The following MNAT1 variants were observed in gnomAD, a reference collection of about 807,000 sequenced individuals.
The protein encoded by MNAT1 is MNAT1 component of CDK activating kinase.
MNAT1 carries 43 observed loss-of-function variants against 42.0 expected under a neutral mutation model. That is an observed-to-expected ratio of 1.02 (90% CI 0.80 to 1.32). MNAT1 has a LOEUF of 1.32. Among genes scored for constraint, MNAT1 ranks in the 40% most tolerant of loss-of-function variants. The probability of loss-of-function intolerance (pLI) is 0.00; values close to 1 mark genes in which losing one functional copy is unlikely to be tolerated. For synonymous variants in MNAT1, 118 were observed against 120.0 expected (o/e 0.98, Z 0.11); for missense variants, 306 against 350.4 (o/e 0.87, Z 1.01).
chr14:60,928,880 G>A (rs1455911293), intron 7 of MNAT1, among the ~76,000 whole-genome samples: 1 of 151,388 alleles, frequency 6.6e-6, no homozygotes. Flanking sequence ...AGTGGCTCAT[G>A]CCTGTAATCC....
intron 7 of MNAT1, among the ~76,000 whole-genome samples, chr14:60,947,374 A>G (rs569991579): frequency 6.6e-6 from 1 of 152,230 alleles, no homozygotes; most frequent in South Asian, 2.1e-4. Context: ...GCTCTGAGAA[A>G]ACAGTTTAAA....
chr14:60,904,575 G>C (rs1347355902), intron 7 of MNAT1, among the ~76,000 whole-genome samples: 1 of 152,146 alleles, frequency 6.6e-6, no homozygotes, highest in Non-Finnish European at 1.5e-5. Flanking sequence ...CAGGGCAGCT[G>C]AATGAGGCTG....
At chr14:60,950,562 T>A (rs1056721154) in intron 7 of MNAT1, among the ~76,000 whole-genome samples, 1 of 152,186 alleles carries the variant, frequency 6.6e-6, no homozygotes, top group Non-Finnish European at 1.5e-5. Context: ...CCAACACAAA[T>A]TCGTAAACTT....
At chr14:60,932,922 T>G (rs1297626302) in intron 7 of MNAT1, among the ~76,000 whole-genome samples, 1 of 152,054 alleles carries the variant, frequency 6.6e-6, no homozygotes, top group Non-Finnish European at 1.5e-5. Context: ...TATGAATCAC[T>G]TTGTAAATAA....
chr14:60,799,681 C>G (rs753318753), intron 3 of MNAT1, among the ~76,000 whole-genome samples: 1 of 151,040 alleles, frequency 6.6e-6, no homozygotes, highest in Non-Finnish European at 1.5e-5. Flanking sequence ...AAGATTCTGA[C>G]TGAGCTATGA....
chr14:60,858,418 GGT>G (rs1566798087), intron 6 of MNAT1, among the ~76,000 whole-genome samples: 1 of 149,640 alleles, frequency 6.7e-6, no homozygotes, highest in African/African-American at 2.4e-5. Flanking sequence ...TTTTTGATGG[GGT>G]TTTTTTTTTT....
intron 7 of MNAT1, among the ~76,000 whole-genome samples, chr14:60,938,416 A>T (rs10467730): frequency 1.3e-5 from 2 of 152,046 alleles, no homozygotes; most frequent in Non-Finnish European, 2.9e-5. Context: ...TAACTAATTT[A>T]TTGAGAGTTT....
In MNAT1 at chr14:60,753,034, G is replaced by A. The variant is rs137923034; in HGVS notation, c.89+18083G>A. Among the ~76,000 whole-genome samples the A allele has an allele frequency of 1.7e-3, 252 of 152,278 alleles. No individual in the cohort carries two copies. The East Asian group carries it at 0.028, about 17-fold the overall frequency. On this transcript the variant is annotated intron_variant, in intron 1 of 7. Transcript: ENST00000261245. ...CCCACCTTGGCCTCCCAGAGTGCTG[G>A]GATTACAGGCGTGAGCCACCGCACC...
chr14:60,839,447 G>C (rs554742886), intron 6 of MNAT1, among the ~76,000 whole-genome samples: 26 of 152,264 alleles, frequency 1.7e-4, no homozygotes, highest in Non-Finnish European at 2.2e-4. Flanking sequence ...TCTCTGCCTT[G>C]CTCACCTTCC....
intron 7 of MNAT1, among the ~76,000 whole-genome samples, chr14:60,908,475 C>T (rs2035266050): frequency 6.6e-6 from 1 of 151,862 alleles, no homozygotes; most frequent in Non-Finnish European, 1.5e-5. Flanking sequence ...TCCCCCAACC[C>T]CCCGACCCCA....
At chr14:60,911,015 C>G (rs969619597) in intron 7 of MNAT1, among the ~76,000 whole-genome samples, 2 of 152,136 alleles carry the variant, frequency 1.3e-5, no homozygotes, top group Admixed American at 1.3e-4. Context: ...TGTTATTGGT[C>G]TATTCAGAGA....
Position 60,809,792 on chromosome 14 carries a change from A to G in MNAT1, c.420+1364A>G, listed in dbSNP as rs117772583. 1.1e-3 allele frequency among the ~76,000 whole-genome samples: 167 copies of G among 152,184 alleles called. No individual in the cohort carries two copies. The East Asian group carries it at 0.023, about 21-fold the overall frequency. ...GTTGAGAATTTTTGCATTTTTGTTC[A>G]TCAGGGATATTGGCTCACAGTTTTC... On this transcript the variant is annotated intron_variant, in intron 4 of 7. Transcript: ENST00000261245.
chr14:60,774,450 T>C (rs1482537065), intron 1 of MNAT1, among the ~76,000 whole-genome samples: 1 of 152,222 alleles, frequency 6.6e-6, no homozygotes. Context: ...AAGTCATTTG[T>C]ATTTTATGCT....
chr14:60,898,951 G>A (rs1379495457), intron 7 of MNAT1, among the ~76,000 whole-genome samples: 1 of 152,070 alleles, frequency 6.6e-6, no homozygotes, highest in Admixed American at 6.6e-5. Flanking sequence ...AGAGATAGGA[G>A]TCCAGTTACA....
chr14:60,924,966 C>T (rs966192547), intron 7 of MNAT1, among the ~76,000 whole-genome samples: 1 of 152,136 alleles, frequency 6.6e-6, no homozygotes, highest in Admixed American at 6.5e-5. Flanking sequence ...TGATTTTTCC[C>T]AGTAAGTAAA....
At chr14:60,756,572 A>G (rs2030359263) in intron 1 of MNAT1, among the ~76,000 whole-genome samples, 1 of 152,206 alleles carries the variant, frequency 6.6e-6, no homozygotes, top group African/African-American at 2.4e-5. Context: ...AGGATGGAAA[A>G]ATCTTGATGT....
intron 6 of MNAT1, among the ~76,000 whole-genome samples, chr14:60,823,089 C>T (rs958990829): frequency 6.6e-6 from 1 of 152,106 alleles, no homozygotes; most frequent in Non-Finnish European, 1.5e-5. Flanking sequence ...AATCTCAGCT[C>T]ATCTTGGAGC....
At chr14:60,761,965 A>G (rs188808840) in intron 1 of MNAT1, among the ~76,000 whole-genome samples, 24 of 152,358 alleles carry the variant, frequency 1.6e-4, no homozygotes, top group Admixed American at 7.2e-4. Flanking sequence ...AGTGGGATCA[A>G]ACTATCTAGA....
At chr14:60,900,194 C>T (rs1460662937) in intron 7 of MNAT1, among the ~76,000 whole-genome samples, 4 of 152,136 alleles carry the variant, frequency 2.6e-5, no homozygotes, top group Non-Finnish European at 4.4e-5. Context: ...ACATGTCTCT[C>T]ACTTTCAATG....
Sources: gnomAD v4.1 joint callset for allele counts (sites outside exome capture counted in the v4.1 genomes callset) on GRCh38, gnomAD v4.1.1 for gene constraint, MANE v1.5 for transcripts, NCBI Gene and HGNC (gene_info 2026-07-23, HGNC 2026-07-21) for gene names.